Variants in SRP19 observed in about 807,000 individuals in gnomAD.
SRP19 encodes signal recognition particle 19 kDa protein.
In SRP19, 11 loss-of-function variants were observed where a neutral mutation model predicts 22.4. The observed-to-expected ratio is 0.49, with a 90% confidence interval of 0.31 to 0.81. SRP19 has a LOEUF of 0.81. Among genes scored for constraint, SRP19 ranks in the 40% least tolerant of loss-of-function variants. The pLI is 0.05. For missense variants in SRP19, 168 were observed against 175.9 expected, an observed-to-expected ratio of 0.96 and a Z score of 0.25; for synonymous variants, 61 against 57.6, an observed-to-expected ratio of 1.06 and a Z score of -0.27.
chr5:112,861,470 G>C, intron 1 of SRP19, 53 bp downstream of exon 1: 5 of 1,590,346 alleles, frequency 3.1e-6, no homozygotes, highest in Non-Finnish European at 4.3e-6. Context: ...CTGTGGTGCT[G>C]CAGGTGCTAC....
At chr5:112,881,627 C>A (rs918894334) in intron 4 of SRP19, among the ~76,000 whole-genome samples, 1 of 152,148 alleles carries the variant, frequency 6.6e-6, no homozygotes, top group Non-Finnish European at 1.5e-5. Context: ...TTCTTCATTG[C>A]CACTTTCAGA....
At chr5:112,887,114 T>A in intron 4 of SRP19, 1 of 1,613,638 alleles carries the variant, frequency 6.2e-7, no homozygotes, top group African/African-American at 1.3e-5. Flanking sequence ...AAAGGACGGA[T>A]GATGCGCTTG....
exon 5 of SRP19, chr5:112,892,327 C>T (rs1481041605): frequency 1.5e-5 from 24 of 1,614,094 alleles, no homozygotes; most frequent in Non-Finnish European, 1.9e-5. Flanking sequence ...TGACGCAAGC[C>T]TGGAGTACAG....
In SRP19 at chr5:112,892,450, C is replaced by G. The variant is rs1350242942; in HGVS notation, c.*843C>G. 1.9e-6 allele frequency: 3 copies of G among 1,614,000 alleles called. No homozygotes were observed. The African/African-American group carries it at 4.0e-5, about 22-fold the overall frequency. ...GGTCAGCTGCAATTTGGAACCTCAC[C>G]TGAGGGGCAATGTATATGTTCAGTA... On this transcript the variant is annotated 3_prime_UTR_variant, in exon 5 of 5. Coordinates refer to the SRP19 transcript ENST00000391338.
At chr5:112,892,863 G>C (rs61733662) in exon 5 of SRP19, 7 of 1,613,332 alleles carry the variant, frequency 4.3e-6, no homozygotes, top group Middle Eastern at 1.7e-4. Flanking sequence ...GTAGTCATAG[G>C]GGGAAGAAAT....
chr5:112,896,329 G>C (rs527560213), downstream of SRP19: 4 of 152,584 alleles, frequency 2.6e-5, no homozygotes, highest in East Asian at 7.7e-4. Context: ...TTTGAGACCA[G>C]CCTGGCCAAC....
At position 112,892,747 on chromosome 5, in the gene SRP19, G is replaced by A. The variant is rs1273621192; in HGVS notation, c.*1140G>A. The stretch of plus-strand genomic sequence containing the variant: ...CTTTGGCAAGAACTCCGAGAGGAGG[G>A]AGAAGATGGGCCACCACGACCACTA... On this transcript the variant is annotated 3_prime_UTR_variant, in exon 5 of 5. Coordinates refer to the SRP19 transcript ENST00000391338. 1.4e-5 allele frequency: 23 copies of A among 1,613,896 alleles called. No homozygotes were observed. The African/African-American group carries it at 1.5e-4, about 10-fold the overall frequency.
chr5:112,888,768 C>A (rs1335213709), intron 4 of SRP19, among the ~76,000 whole-genome samples: 1 of 150,838 alleles, frequency 6.6e-6, no homozygotes, highest in Admixed American at 6.6e-5. Context: ...CACCTGTAGT[C>A]CCAGTGACTT....
chr5:112,890,777 G>A (rs1223888916), intron 4 of SRP19, among the ~76,000 whole-genome samples: 2 of 150,738 alleles, frequency 1.3e-5, no homozygotes, highest in Non-Finnish European at 2.9e-5. Context: ...TGGACTCAAA[G>A]AAACTAACTT....
intron 1 of SRP19, 182 bp from the exon 2 acceptor site, chr5:112,862,326 G>C (rs775595056): frequency 1.7e-4 from 114 of 655,534 alleles, no homozygotes; most frequent in Non-Finnish European, 2.3e-4. Flanking sequence ...TTAGTTGCTC[G>C]AGGGGACCAC....
chr5:112,895,399 A>G (rs759039023), downstream of SRP19: 3 of 152,198 alleles, frequency 2.0e-5, no homozygotes, highest in Non-Finnish European at 4.4e-5. Context: ...ACCAAATCCT[A>G]AAGTTCTTAT....
intron 1 of SRP19, 124 bp downstream of exon 1, chr5:112,861,541 G>C (rs1030062009): frequency 3.5e-5 from 36 of 1,024,906 alleles, no homozygotes; most frequent in Non-Finnish European, 5.0e-5. Flanking sequence ...CGCTCTGTAC[G>C]GGCCCCGCGC....
chr5:112,892,728 C>G, exon 5 of SRP19: 1 of 1,613,972 alleles, frequency 6.2e-7, no homozygotes, highest in Admixed American at 1.7e-5. Flanking sequence ...CCTCCTTTGG[C>G]AAGAACTCCG....
At chr5:112,879,345 G>T (rs990944243) in intron 4 of SRP19, among the ~76,000 whole-genome samples, 6 of 128,842 alleles carry the variant, frequency 4.7e-5, no homozygotes, top group African/African-American at 1.7e-4. Flanking sequence ...GGCTGGGGGG[G>T]CGGTGGGGGA....
downstream of SRP19, chr5:112,895,908 A>G (rs1768665965): frequency 6.6e-6 from 1 of 152,208 alleles, no homozygotes; most frequent in Admixed American, 6.5e-5. Context: ...GACAGAGTCC[A>G]TGCTATTTTA....
At chr5:112,861,626 C>G (rs1010455944) in intron 1 of SRP19, among the ~76,000 whole-genome samples, 1 of 152,240 alleles carries the variant, frequency 6.6e-6, no homozygotes, top group South Asian at 2.1e-4. Flanking sequence ...AAATTCCGAC[C>G]ATAGGTAGCC....
Position 112,868,385 on chromosome 5 carries a change from A to G in SRP19, c.*848A>G, listed in dbSNP as rs1383751002. ...CTATCTCATATTTTCAGTAAATTCCATTTTTTTTAAGTTTGTTTGTTTGTT... is the reference window on the plus strand; with the variant it reads ...CTATCTCATATTTTCAGTAAATTCCGTTTTTTTTAAGTTTGTTTGTTTGTT... On this transcript the variant is annotated 3_prime_UTR_variant, in exon 5 of 5. Coordinates refer to ENST00000505459, the MANE Select transcript of SRP19 (RefSeq NM_003135.3). The G allele has an allele frequency of 3.0e-6, 3 of 1,001,780 alleles. No homozygotes were observed. Among genetic ancestry groups the G allele is most frequent in the African/African-American group, 1.7e-5 (1 of 57,400 alleles). 62.1% of individuals were successfully genotyped at this position (1,001,780 alleles called of 1,614,324 possible).
intron 4 of SRP19, among the ~76,000 whole-genome samples, chr5:112,882,507 C>A (rs1768111336): frequency 6.6e-6 from 1 of 152,160 alleles, no homozygotes; most frequent in Admixed American, 6.5e-5. Flanking sequence ...GTAGCTATAC[C>A]CATGTAGCTG....
chr5:112,873,271 CTTTT>C (rs35379154), downstream of SRP19, among the ~76,000 whole-genome samples: 2 of 50,720 alleles, frequency 3.9e-5, no homozygotes, highest in Non-Finnish European at 6.7e-5. Context: ...CTCAGGTTTT[CTTTT>C]TTTTTTTTTT....
Sources: allele counts gnomAD v4.1 joint callset (sites outside exome capture counted in the v4.1 genomes callset), GRCh38; gene constraint gnomAD v4.1.1; transcripts MANE v1.5; gene names NCBI Gene and HGNC (gene_info 2026-07-23, HGNC 2026-07-21).